Variants in NSD2 observed in about 807,000 individuals in gnomAD.
The protein encoded by NSD2 is histone-lysine N-methyltransferase NSD2.
NSD2 carries 12 observed loss-of-function variants against 139.0 expected under a neutral mutation model. That is an observed-to-expected ratio of 0.09 (90% CI 0.06 to 0.14). The LOEUF (loss-of-function observed/expected upper bound fraction) is 0.14, where lower values mean the gene tolerates loss of function less well. NSD2 is among the 10% of genes least tolerant of loss of function. NSD2 has a pLI of 1.00. For synonymous variants in NSD2, 669 were observed against 648.7 expected, an observed-to-expected ratio of 1.03 and a Z score of -0.48; for missense variants, 1,155 against 1,745.0, an observed-to-expected ratio of 0.66 and a Z score of 6.02.
chr4:1,906,654 CTTTT>C (rs537619996), intron 3 of NSD2, among the ~76,000 whole-genome samples: 25 of 99,948 alleles, frequency 2.5e-4, no homozygotes, highest in Admixed American at 1.6e-3. Context: ...CTCTCTCTCT[CTTTT>C]TTTTTTTTTT....
In NSD2 at chr4:1,878,035, A is replaced by G. The variant is rs112001707; in HGVS notation, c.-30+6493A>G. ...CAGTAAGACTCTGTCCCAAAAGAAA[A>G]ATAAAATTTAAAAAAAGTATTATAT... On this transcript the variant is annotated intron_variant, in intron 1 of 21. Transcript: ENST00000508803. Among the ~76,000 whole-genome samples, 868 of 151,590 alleles carry G rather than the reference A, an allele frequency of 5.7e-3. 8 individuals carry two copies. The highest frequency in any genetic ancestry group is 0.02 in the African/African-American group (824 of 41,250).
chr4:1,940,799 C>T (rs1166345979), intron 9 of NSD2: 1 of 1,058,572 alleles, frequency 9.4e-7, no homozygotes, highest in Non-Finnish European at 1.1e-6. Flanking sequence ...TCAGTTGTTT[C>T]CACTCATTAG....
chr4:1,970,822 G>T (rs977765703), intron 18 of NSD2, among the ~76,000 whole-genome samples: 1 of 152,180 alleles, frequency 6.6e-6, no homozygotes, highest in African/African-American at 2.4e-5. Flanking sequence ...GTCACATAAA[G>T]GGCCGCCAAC....
intron 18 of NSD2, among the ~76,000 whole-genome samples, chr4:1,971,408 C>G (rs71606383): frequency 2.6e-5 from 4 of 152,030 alleles, no homozygotes; most frequent in African/African-American, 9.7e-5. Flanking sequence ...ATACAGCTGA[C>G]GGTGAGTTCA....
chr4:1,952,740 T>C, intron 11 of NSD2: 1 of 1,082,020 alleles, frequency 9.2e-7, no homozygotes, highest in Middle Eastern at 4.3e-4. Context: ...TGCCTCCATG[T>C]TACTGCATCA....
intron 5 of NSD2, among the ~76,000 whole-genome samples, chr4:1,929,447 A>G (rs746342656): frequency 1.3e-5 from 2 of 152,132 alleles, no homozygotes; most frequent in Admixed American, 6.5e-5. Flanking sequence ...CACTTGCCGA[A>G]GTCCACAGAA....
At position 1,906,852 on chromosome 4, in the gene NSD2, G is replaced by A. The variant is rs532094524; in HGVS notation, c.760+2474G>A. Among the ~76,000 whole-genome samples, 4 of 151,482 alleles carry A rather than the reference G, an allele frequency of 2.6e-5. No individual in the cohort carries two copies. In the South Asian group the frequency reaches 6.3e-4, roughly 24 times the overall value. The stretch of plus-strand genomic sequence containing the variant: ...ATTTTTGTATTTTTAGTAGAGATGG[G>A]GTTTCACCATATTGGCCAGGCTGGT... On this transcript the variant is annotated intron_variant, in intron 3 of 21. Coordinates refer to ENST00000508803, the MANE Select transcript of NSD2 (RefSeq NM_001042424.3).
At chr4:1,963,522 C>T (rs571910558) in intron 18 of NSD2, among the ~76,000 whole-genome samples, 1 of 152,182 alleles carries the variant, frequency 6.6e-6, no homozygotes, top group Admixed American at 6.5e-5. Context: ...ATGTAAACTA[C>T]TTATGTGCTG....
At chr4:1,959,116 G>A (rs758676908) in intron 16 of NSD2, among the ~76,000 whole-genome samples, 9 of 152,202 alleles carry the variant, frequency 5.9e-5, no homozygotes, top group Non-Finnish European at 1.2e-4. Flanking sequence ...TCTTACCAGC[G>A]TTTGCTGGAC....
chr4:1,888,831 A>G (rs1488895693), intron 1 of NSD2, among the ~76,000 whole-genome samples: 1 of 150,104 alleles, frequency 6.7e-6, no homozygotes, highest in African/African-American at 2.5e-5. Context: ...CTCCCAAAGT[A>G]CTGGGATTAC....
chr4:1,887,208 T>A (rs1715179133), intron 1 of NSD2, among the ~76,000 whole-genome samples: 1 of 152,186 alleles, frequency 6.6e-6, no homozygotes, highest in Non-Finnish European at 1.5e-5. Context: ...TGGTCTATCC[T>A]ATGAGGCTGC....
chr4:1,951,036 G>C, intron 9 of NSD2, 36 bp from the exon 10 acceptor site: 1 of 1,611,680 alleles, frequency 6.2e-7, no homozygotes, highest in Non-Finnish European at 8.5e-7. Flanking sequence ...TGTGTTCTGC[G>C]ACTAGTGAAC....
At chr4:1,910,369 G>A (rs148460731) in intron 3 of NSD2, among the ~76,000 whole-genome samples, 33 of 152,138 alleles carry the variant, frequency 2.2e-4, no homozygotes, top group Non-Finnish European at 3.8e-4. Context: ...GGCACTACAG[G>A]CATGTGTCAC....
At chr4:1,872,635 A>AGAGAGAGAGCGC (rs1179623184) in intron 1 of NSD2, among the ~76,000 whole-genome samples, 2 of 120,088 alleles carry the variant, frequency 1.7e-5, no homozygotes, top group South Asian at 2.8e-4. Context: ...AGAGAGAGAG[A>AGAGAGAGAGCGC]GCGCGCAGAC....
At chr4:1,965,741 G>A (rs559317445) in intron 18 of NSD2, among the ~76,000 whole-genome samples, 39 of 152,326 alleles carry the variant, frequency 2.6e-4, no homozygotes, top group African/African-American at 9.1e-4. Flanking sequence ...CCATCACGGT[G>A]AAGGTGAAGG....
At chr4:1,933,461 C>T (rs1361323994) in intron 6 of NSD2, among the ~76,000 whole-genome samples, 1 of 152,212 alleles carries the variant, frequency 6.6e-6, no homozygotes, top group Non-Finnish European at 1.5e-5. Context: ...GCGATCTCGG[C>T]TCACTGCAAG....
chr4:1,924,301 G>T, intron 5 of NSD2, among the ~76,000 whole-genome samples: 1 of 152,208 alleles, frequency 6.6e-6, no homozygotes, highest in Non-Finnish European at 1.5e-5. Flanking sequence ...AGCTAGGCCT[G>T]CGCAGGGTTG....
chr4:1,896,849 T>A (rs1716413106), intron 1 of NSD2, among the ~76,000 whole-genome samples: 1 of 151,936 alleles, frequency 6.6e-6, no homozygotes, highest in African/African-American at 2.4e-5. Context: ...TCTTTTCTTT[T>A]CTTTCTCCTT....
chr4:1,940,768 C>T (rs1244451723), intron 9 of NSD2: 51 of 1,060,354 alleles, frequency 4.8e-5, no homozygotes, highest in Non-Finnish European at 5.7e-5. Flanking sequence ...GCCATGGTCC[C>T]CAGGAAGGAT....
Sources: allele counts gnomAD v4.1 joint callset (sites outside exome capture counted in the v4.1 genomes callset), GRCh38; gene constraint gnomAD v4.1.1; transcripts MANE v1.5; gene names NCBI Gene and HGNC (gene_info 2026-07-23, HGNC 2026-07-21).